The following TGFB1 variants were observed in gnomAD, a reference collection of about 807,000 sequenced individuals.
TGFB1 encodes transforming growth factor beta-1 proprotein.
A neutral mutation model predicts 43.8 loss-of-function variants in TGFB1; 19 were observed. That is an observed-to-expected ratio of 0.43 (90% CI 0.30 to 0.64). TGFB1 has a LOEUF of 0.64. Among genes scored for constraint, TGFB1 ranks in the 30% least tolerant of loss-of-function variants. The pLI is 0.11. For synonymous variants in TGFB1, 221 were observed against 236.3 expected (o/e 0.94, Z 0.60); for missense variants, 445 against 529.8 (o/e 0.84, Z 1.57).
Position 41,330,977 on chromosome 19 carries a change from C to T in TGFB1, c.*75G>A. 7.4e-7 allele frequency: 1 copy of T among 1,356,288 alleles called. No homozygotes were observed. The highest frequency in any genetic ancestry group is 9.7e-7 in the Non-Finnish European group (1 of 1,031,412). 84.0% of individuals were successfully genotyped at this position (1,356,288 alleles called of 1,614,324 possible). A position where few individuals can be genotyped will look rare whatever the true frequency, so the allele number is the denominator to read the frequency against. On this transcript the variant is annotated 3_prime_UTR_variant, in exon 7 of 7. Coordinates refer to ENST00000221930, the MANE Select transcript of TGFB1 (RefSeq NM_000660.7). ...GGGCACGGGTGTCCTTAAATACAGC[C>T]CCCATGGGCAAGGCAGCGGGGGCGG...
chr19:41,331,962 TC>T, intron 6 of TGFB1, 165 bp downstream of exon 6: 1 of 952,380 alleles, frequency 1.0e-6, no homozygotes, highest in Non-Finnish European at 1.5e-6. Flanking sequence ...CTCTCTAGCT[TC>T]CTGCCTCTCT....
In TGFB1 at chr19:41,341,865, C is replaced by G. The variant is rs188080621; in HGVS notation, c.860+18G>C. 459 of 1,612,756 alleles carry G rather than the reference C, an allele frequency of 2.8e-4. 1 individual carries two copies. In the Middle Eastern group the frequency reaches 0.012, roughly 43 times the overall value. ...TGCCCCCAGCCTGGAAGGCCTCCATCCAGGCTACAAGGCTCACCTGAAGCA... is the reference window on the plus strand; with the variant it reads ...TGCCCCCAGCCTGGAAGGCCTCCATGCAGGCTACAAGGCTCACCTGAAGCA... On this transcript the variant is annotated intron_variant, in intron 5 of 6. Coordinates refer to ENST00000221930, the MANE Select transcript of TGFB1 (RefSeq NM_000660.7).
chr19:41,338,091 C>G (rs1349097358), intron 5 of TGFB1, among the ~76,000 whole-genome samples: 1 of 151,824 alleles, frequency 6.6e-6, no homozygotes, highest in Non-Finnish European at 1.5e-5. Flanking sequence ...ATTTGGGAGA[C>G]TGAGGCAGGA....
At position 41,344,820 on chromosome 19, in the gene TGFB1, C is replaced by T. The variant is rs1162212114; in HGVS notation, c.561G>A (p.Leu187=). The change falls in exon 3 of 7, where the codon CTG becomes CTA. Residue 187 remains leucine (L), a synonymous_variant. Transcript: ENST00000221930. ...NSWRYLSNRL[L]APSDSPEWLS... is the part of the protein sequence containing the mutation. Reference sequence around the variant, plus strand: ...ACCACTCTGGCGAGTCGCTGGGTGCCAGCAGCCGGTTGCTGAGGTATCGCC... The same window carrying T: ...ACCACTCTGGCGAGTCGCTGGGTGCTAGCAGCCGGTTGCTGAGGTATCGCC... 3.1e-6 allele frequency: 5 copies of T among 1,610,204 alleles called. No homozygotes were observed.
chr19:41,331,373 C>T (rs1013519751), intron 6 of TGFB1, among the ~76,000 whole-genome samples, 163 bp from the exon 7 acceptor site: 1 of 151,998 alleles, frequency 6.6e-6, no homozygotes, highest in Non-Finnish European at 1.5e-5. Context: ...CTTCTAACAT[C>T]CTATCTTATT....
At chr19:41,352,585 T>G (rs1893998667) in intron 1 of TGFB1, 105 bp downstream of exon 1, 1 of 1,395,900 alleles carries the variant, frequency 7.2e-7, no homozygotes, top group African/African-American at 1.4e-5. Flanking sequence ...GGGTGTCCTC[T>G]TCCTCCAGCC....
chr19:41,346,065 T>G (rs1212412564), intron 2 of TGFB1, among the ~76,000 whole-genome samples: 1 of 152,006 alleles, frequency 6.6e-6, no homozygotes, highest in African/African-American at 2.4e-5. Context: ...AGAATAATTT[T>G]CTGGGCCAGG....
chr19:41,352,953 G>C lies in TGFB1; in HGVS notation c.92C>G (p.Ser31Cys), dbSNP rs1220466442. Residue 31 changes from serine (S) to cysteine (C), a missense_variant, in exon 1 of 7, where the codon TCC (serine) becomes TGC (cysteine). Coordinates refer to ENST00000221930, the MANE Select transcript of TGFB1 (RefSeq NM_000660.7). ...LTPGRPAAGL[S>C]TCKTIDMELV... ...CTCCATGTCGATAGTCTTGCAGGTG[G>C]ATAGTCCCGCGGCCGGCCGGCCAGG... The C allele has an allele frequency of 6.4e-7, 1 of 1,550,786 alleles. No individual in the cohort carries two copies. Among genetic ancestry groups the C allele is most frequent in the Admixed American group, 1.9e-5 (1 of 51,628 alleles).
At chr19:41,339,325 C>T (rs1335505941) in intron 5 of TGFB1, among the ~76,000 whole-genome samples, 1 of 152,012 alleles carries the variant, frequency 6.6e-6, no homozygotes, top group Non-Finnish European at 1.5e-5. Flanking sequence ...TAACATGTTG[C>T]ACAAGCTGGT....
chr19:41,335,371 T>C (rs1217292918), intron 5 of TGFB1, among the ~76,000 whole-genome samples: 3 of 152,098 alleles, frequency 2.0e-5, no homozygotes, highest in Admixed American at 2.0e-4. Flanking sequence ...ATCTTTAATA[T>C]GCAGTTCAAC....
rs199947003 is a variant in TGFB1 at position 41,353,055 on chromosome 19, G to A, written c.-11C>T. On this transcript the variant is annotated 5_prime_UTR_variant, in exon 1 of 7. Coordinates refer to ENST00000221930, the MANE Select transcript of TGFB1 (RefSeq NM_000660.7). This position sits in a 1 kb window ranked among gnomAD's most constrained non-coding sequence, Gnocchi z 5.9. Reference sequence around the variant, plus strand: ...CCCGGAGGGCGGCATGGGGGAGGCGGCGCCCCCCGGCACTGCCGAGAGCGC... The same window carrying A: ...CCCGGAGGGCGGCATGGGGGAGGCGACGCCCCCCGGCACTGCCGAGAGCGC... The A allele has an allele frequency of 4.6e-6, 7 of 1,518,016 alleles. No homozygotes were observed. The highest frequency in any genetic ancestry group is 5.3e-6 in the Non-Finnish European group (6 of 1,137,664). 94.0% of individuals were successfully genotyped at this position (1,518,016 alleles called of 1,614,324 possible). A position where few individuals can be genotyped will look rare whatever the true frequency, so the allele number is the denominator to read the frequency against.
chr19:41,352,343 A>G (rs1394083563), intron 1 of TGFB1, among the ~76,000 whole-genome samples: 4 of 83,550 alleles, frequency 4.8e-5, no homozygotes, highest in South Asian at 4.9e-4. Context: ...GCACCCCACG[A>G]CCCCCCCCCC....
intron 5 of TGFB1, among the ~76,000 whole-genome samples, chr19:41,336,700 T>C (rs1372527020): frequency 6.6e-6 from 1 of 152,128 alleles, no homozygotes; most frequent in Non-Finnish European, 1.5e-5. Flanking sequence ...GACAATGGTT[T>C]ATCTCAAAGC....
At chr19:41,344,886 A>G (rs1475246589) in intron 2 of TGFB1, 22 bp from the exon 3 acceptor site, 1 of 1,559,830 alleles carries the variant, frequency 6.4e-7, no homozygotes, top group East Asian at 2.4e-5. Flanking sequence ...TGAAGGCAGG[A>G]GAGAGACAGT....
chr19:41,348,162 T>G, intron 2 of TGFB1, 133 bp downstream of exon 2: 7 of 1,005,150 alleles, frequency 7.0e-6, no homozygotes, highest in East Asian at 2.5e-5. Flanking sequence ...TAGGATTGTA[T>G]GGTTTGTGTT....
chr19:41,334,143 G>T (rs551801144), intron 5 of TGFB1, among the ~76,000 whole-genome samples: 1 of 152,200 alleles, frequency 6.6e-6, no homozygotes. Context: ...GGGAGGCCAA[G>T]GCGGGTGGAT....
At chr19:41,342,053 G>T in intron 4 of TGFB1, 23 bp from the exon 5 acceptor site, 1 of 1,614,170 alleles carries the variant, frequency 6.2e-7, no homozygotes, top group East Asian at 2.2e-5. Context: ...GGGAGTCAGG[G>T]GATAGGGGAC....
chr19:41,351,377 G>A (rs1334656551), intron 1 of TGFB1, among the ~76,000 whole-genome samples: 1 of 152,220 alleles, frequency 6.6e-6, no homozygotes, highest in Non-Finnish European at 1.5e-5. Flanking sequence ...GGATGCCGAC[G>A]GGGCCGGCTG....
intron 2 of TGFB1, 133 bp from the exon 3 acceptor site, chr19:41,344,997 GACAGCCACCTGTGTGGTCCTGTGGC>G: frequency 2.5e-6 from 2 of 800,668 alleles, no homozygotes; most frequent in Non-Finnish European, 4.3e-6. Flanking sequence ...TACCCTCTCA[GACAGCCACCTGTGTGGTCCTGTGGC>G]ACCCATCCTC....
Sources: allele counts gnomAD v4.1 joint callset (sites outside exome capture counted in the v4.1 genomes callset), GRCh38; gene constraint gnomAD v4.1.1; non-coding constraint Gnocchi (gnomAD v3.1); transcripts MANE v1.5; gene names NCBI Gene and HGNC (gene_info 2026-07-23, HGNC 2026-07-21).